DCC: variants seen among roughly 807,000 people sequenced by gnomAD.
DCC encodes DCC netrin 1 receptor, also known as netrin receptor DCC.
Under a neutral mutation model 172.5 loss-of-function variants are expected in DCC, and 58 were observed. The observed-to-expected ratio is 0.34, with a 90% confidence interval of 0.27 to 0.42. DCC has a LOEUF of 0.42. Among genes scored for constraint, DCC ranks in the 10% least tolerant of loss-of-function variants. The probability of loss-of-function intolerance (pLI) is 1.00; values close to 1 mark genes in which losing one functional copy is unlikely to be tolerated. For synonymous variants in DCC, 709 were observed against 644.5 expected, an observed-to-expected ratio of 1.10 and a Z score of -1.52; for missense variants, 1,740 against 1,791.0, an observed-to-expected ratio of 0.97 and a Z score of 0.51.
At chr18:53,023,411 A>C (rs865979678) in intron 5 of DCC, among the ~76,000 whole-genome samples, 6,542 of 129,320 alleles carry the variant, frequency 0.051, 349 homozygotes, top group African/African-American at 0.11. Context: ...CAAAAAAAAA[A>C]AAAAAAAAAA....
intron 12 of DCC, among the ~76,000 whole-genome samples, chr18:53,268,204 G>A (rs913243493): frequency 1.3e-5 from 2 of 151,944 alleles, no homozygotes; most frequent in Non-Finnish European, 2.9e-5. Context: ...TTTCTCAGTG[G>A]GAGGTCATTT....
At chr18:52,403,427 G>T (rs1250447638) in intron 1 of DCC, among the ~76,000 whole-genome samples, 1 of 151,980 alleles carries the variant, frequency 6.6e-6, no homozygotes, top group African/African-American at 2.4e-5. Context: ...GGCTTCTTGA[G>T]GGTCCAGACT....
chr18:53,019,005 C>G (rs1049644269), intron 5 of DCC, among the ~76,000 whole-genome samples: 2 of 152,110 alleles, frequency 1.3e-5, no homozygotes, highest in Admixed American at 6.5e-5. Flanking sequence ...TTGATGTCAA[C>G]CAACAAAAAA....
chr18:52,405,962 A>T (rs940506072), intron 1 of DCC, among the ~76,000 whole-genome samples: 11 of 151,736 alleles, frequency 7.2e-5, no homozygotes, highest in African/African-American at 2.7e-4. Flanking sequence ...TAGTACTGGT[A>T]CCAAAACAGA....
At chr18:52,593,433 CTT>C (rs1469443244) in intron 1 of DCC, among the ~76,000 whole-genome samples, 1 of 152,154 alleles carries the variant, frequency 6.6e-6, no homozygotes, top group Non-Finnish European at 1.5e-5. Context: ...AAGAAATTCT[CTT>C]TTAAAATGGA....
chr18:53,499,315 A>G lies in DCC; in HGVS notation c.3916A>G (p.Thr1306Ala), dbSNP rs2046066651. Residue 1306 changes from threonine to alanine, a missense_variant, in exon 27 of 29, where the codon ACT becomes GCT. Thr to Ala is a moderately conservative substitution (Grantham distance 58). This residue lies in a region of DCC where 1,732 missense variants were observed against 1,767.4 expected (regional missense o/e 0.98). Coordinates refer to ENST00000442544, the MANE Select transcript of DCC (RefSeq NM_005215.4). ...CACTGCAGCAGTGAGTGAAGGACCA[A>G]CTACCCAACAACCACCTATGCTGCC... is the stretch of plus-strand genomic sequence containing the variant. ...GRSQSVSEGP[T>A]TQQPPMLPPS... The G allele has an allele frequency of 6.2e-7, 1 of 1,614,034 alleles. No individual in the cohort carries two copies. The highest frequency in any genetic ancestry group is 8.5e-7 in the Non-Finnish European group (1 of 1,179,990).
intron 21 of DCC, among the ~76,000 whole-genome samples, chr18:53,422,444 C>T (rs913642004): frequency 3.3e-5 from 5 of 152,104 alleles, no homozygotes; most frequent in Admixed American, 6.6e-5. Flanking sequence ...CCCAGGCTAC[C>T]TAACTGGAGA....
intron 26 of DCC, among the ~76,000 whole-genome samples, chr18:53,492,923 T>G (rs1461130869): frequency 6.6e-6 from 1 of 152,176 alleles, no homozygotes; most frequent in African/African-American, 2.4e-5. Context: ...ATGTGGTCAT[T>G]TTCATGGTAT....
intron 7 of DCC, among the ~76,000 whole-genome samples, chr18:53,136,220 T>TATAC (rs869082032): frequency 5.2e-4 from 79 of 151,010 alleles, no homozygotes; most frequent in Admixed American, 7.9e-4. Context: ...TATATATATA[T>TATAC]ACACACACAC....
intron 17 of DCC, among the ~76,000 whole-genome samples, chr18:53,396,456 A>C (rs1568105416): frequency 6.6e-6 from 1 of 152,242 alleles, no homozygotes; most frequent in Non-Finnish European, 1.5e-5. Context: ...TAAAAGACAA[A>C]GAATGAATTC....
intron 1 of DCC, among the ~76,000 whole-genome samples, chr18:52,532,127 A>G (rs1263271206): frequency 6.6e-6 from 1 of 152,174 alleles, no homozygotes; most frequent in African/African-American, 2.4e-5. Flanking sequence ...TTGCATGCAT[A>G]TTAAGGACTG....
chr18:52,423,487 A>C, intron 1 of DCC, among the ~76,000 whole-genome samples: 1 of 152,062 alleles, frequency 6.6e-6, no homozygotes, highest in East Asian at 1.9e-4. Context: ...ACAGGCTTTC[A>C]AACCTCCAGC....
chr18:52,724,736 T>C (rs186035520), intron 1 of DCC, among the ~76,000 whole-genome samples: 16 of 152,284 alleles, frequency 1.1e-4, no homozygotes, highest in Admixed American at 9.2e-4. Flanking sequence ...AAGGCTGTCT[T>C]TCATTCATCA....
At chr18:52,716,968 A>G (rs1568060554) in intron 1 of DCC, among the ~76,000 whole-genome samples, 1 of 152,192 alleles carries the variant, frequency 6.6e-6, no homozygotes. Context: ...ACCAAGATCC[A>G]AAATATTATA....
intron 26 of DCC, among the ~76,000 whole-genome samples, chr18:53,487,910 A>C (rs910793524): frequency 2.6e-5 from 4 of 152,224 alleles, no homozygotes; most frequent in Non-Finnish European, 4.4e-5. Context: ...AGAAAGTCTA[A>C]TAACCAAAAT....
chr18:52,716,725 C>T (rs999085456), intron 1 of DCC, among the ~76,000 whole-genome samples: 2 of 152,222 alleles, frequency 1.3e-5, no homozygotes, highest in African/African-American at 4.8e-5. Context: ...CTCCATGAGC[C>T]TCATAAAGAC....
intron 7 of DCC, among the ~76,000 whole-genome samples, chr18:53,089,337 C>A (rs554420787): frequency 6.6e-6 from 1 of 152,088 alleles, no homozygotes; most frequent in Non-Finnish European, 1.5e-5. Context: ...CTTCCCACCT[C>A]GGCCTCCCAA....
At chr18:52,764,966 G>A (rs1399874736) in intron 2 of DCC, among the ~76,000 whole-genome samples, 2 of 151,908 alleles carry the variant, frequency 1.3e-5, no homozygotes, top group African/African-American at 2.4e-5. Context: ...CTTTCTGGTG[G>A]CCTAAATGTC....
intron 1 of DCC, among the ~76,000 whole-genome samples, chr18:52,543,480 C>G (rs775685011): frequency 2.0e-5 from 3 of 152,112 alleles, no homozygotes; most frequent in African/African-American, 4.8e-5. Context: ...AGAATAAAAA[C>G]CAACCTTGAA....
Sources: allele counts gnomAD v4.1 joint callset (sites outside exome capture counted in the v4.1 genomes callset), GRCh38; gene constraint gnomAD v4.1.1; regional missense constraint gnomAD v4.1.1; transcripts MANE v1.5; gene names NCBI Gene and HGNC (gene_info 2026-07-23, HGNC 2026-07-21).